POPDC1: variants seen among roughly 807,000 people sequenced by gnomAD.
POPDC1 encodes popeye domain-containing protein 1.
At chr6:105,123,409 G>GT in the POPDC1 span, among the ~76,000 whole-genome samples, 25,004 of 150,882 alleles carry the variant, frequency 0.17, 2,829 homozygotes, top group African/African-American at 0.33. Flanking sequence ...GTTGTTGTTT[G>GT]TTTTTTTTTG....
chr6:105,129,916 T>C, the POPDC1 span, among the ~76,000 whole-genome samples: 3 of 152,308 alleles, frequency 2.0e-5, no homozygotes, highest in South Asian at 6.2e-4. Context: ...AGTGAATCCA[T>C]GGATGTGGGG....
chr6:105,104,280 C>T, the POPDC1 span, among the ~76,000 whole-genome samples: 54 of 152,290 alleles, frequency 3.5e-4, no homozygotes, highest in Non-Finnish European at 5.9e-4. Flanking sequence ...CTACCCTCTT[C>T]ATCTCAATAA....
chr6:105,115,691 G>A, the POPDC1 span: 2 of 1,613,988 alleles, frequency 1.2e-6, no homozygotes, highest in African/African-American at 1.3e-5. Context: ...CTTACGAAGA[G>A]AGGACATGCT....
At chr6:105,111,701 A>G in the POPDC1 span, among the ~76,000 whole-genome samples, 67 of 152,342 alleles carry the variant, frequency 4.4e-4, 1 homozygote, top group Middle Eastern at 3.4e-3. Context: ...ATCTATGTGG[A>G]AAGGAGTAGA....
chr6:105,105,730 C>G, the POPDC1 span, among the ~76,000 whole-genome samples: 4 of 81,650 alleles, frequency 4.9e-5, no homozygotes, highest in East Asian at 2.2e-3. Flanking sequence ...ACAGGTTTGC[C>G]TGGTTTTTCA....
the POPDC1 span, among the ~76,000 whole-genome samples, chr6:105,101,893 A>G: frequency 6.6e-6 from 1 of 152,254 alleles, no homozygotes; most frequent in Non-Finnish European, 1.5e-5. Context: ...TGGTTCATGC[A>G]TTCACCAAAT....
the POPDC1 span, among the ~76,000 whole-genome samples, chr6:105,118,673 G>A: frequency 2.0e-5 from 3 of 152,262 alleles, no homozygotes; most frequent in East Asian, 1.9e-4. Flanking sequence ...GAAAGTGGTC[G>A]AGAATGACTG....
chr6:105,129,921 G>T, the POPDC1 span, among the ~76,000 whole-genome samples: 1 of 152,180 alleles, frequency 6.6e-6, no homozygotes, highest in Non-Finnish European at 1.5e-5. Context: ...ATCCATGGAT[G>T]TGGGGACTAC....
At chr6:105,133,002 T>C in the POPDC1 span, among the ~76,000 whole-genome samples, 2 of 152,174 alleles carry the variant, frequency 1.3e-5, no homozygotes, top group East Asian at 3.9e-4. Context: ...ACTGAGGCAG[T>C]AGAAAGATTA....
the POPDC1 span, chr6:105,097,524 T>G: frequency 5.3e-5 from 8 of 152,248 alleles, no homozygotes; most frequent in African/African-American, 1.9e-4. Context: ...GCATGAAACT[T>G]TCTCTGGAGT....
the POPDC1 span, among the ~76,000 whole-genome samples, chr6:105,131,029 C>T: frequency 2.0e-5 from 3 of 152,016 alleles, no homozygotes; most frequent in African/African-American, 7.2e-5. Context: ...ATTCTCTTAC[C>T]TTATATAAAA....
the POPDC1 span, among the ~76,000 whole-genome samples, chr6:105,105,577 A>T: frequency 6.6e-6 from 1 of 152,234 alleles, no homozygotes; most frequent in Non-Finnish European, 1.5e-5. Flanking sequence ...TTCAGAGTCC[A>T]TCCCTATATA....
the POPDC1 span, among the ~76,000 whole-genome samples, chr6:105,104,981 T>A: frequency 6.6e-6 from 1 of 152,304 alleles, no homozygotes; most frequent in Admixed American, 6.5e-5. Flanking sequence ...ATTCAGAAGC[T>A]AAAACAAAGA....
At chr6:105,102,281 C>T in the POPDC1 span, among the ~76,000 whole-genome samples, 1 of 152,196 alleles carries the variant, frequency 6.6e-6, no homozygotes, top group Non-Finnish European at 1.5e-5. Context: ...TGAAGCAGAT[C>T]TGCTACAAGA....
the POPDC1 span, among the ~76,000 whole-genome samples, chr6:105,116,464 T>C: frequency 6.6e-6 from 1 of 152,168 alleles, no homozygotes; most frequent in South Asian, 2.1e-4. Flanking sequence ...CTTAAAATGC[T>C]CTTGATGAAG....
At chr6:105,115,222 G>C in the POPDC1 span, among the ~76,000 whole-genome samples, 4 of 152,178 alleles carry the variant, frequency 2.6e-5, no homozygotes, top group African/African-American at 7.2e-5. Context: ...GAGTAGCCAG[G>C]ACTACAGGCG....
the POPDC1 span, among the ~76,000 whole-genome samples, chr6:105,106,306 G>A: frequency 1.3e-5 from 2 of 152,186 alleles, no homozygotes; most frequent in African/African-American, 2.4e-5. Context: ...AAGGACCAAG[G>A]CATCGAGAAG....
the POPDC1 span, among the ~76,000 whole-genome samples, chr6:105,128,132 T>C: frequency 2.0e-5 from 3 of 152,204 alleles, no homozygotes; most frequent in Non-Finnish European, 2.9e-5. Flanking sequence ...CCAATAATGG[T>C]TGACAGGAAA....
At chr6:105,123,528 G>A in the POPDC1 span, among the ~76,000 whole-genome samples, 1 of 152,042 alleles carries the variant, frequency 6.6e-6, no homozygotes, top group East Asian at 1.9e-4. Flanking sequence ...AGCCTCCCGA[G>A]TAGCTGGGAC....
Sources: gnomAD v4.1 joint callset for allele counts (sites outside exome capture counted in the v4.1 genomes callset) on GRCh38, gnomAD v4.1.1 for gene constraint, MANE v1.5 for transcripts, NCBI Gene and HGNC (gene_info 2026-07-23, HGNC 2026-07-21) for gene names.